The following XXYLT1 variants were observed in gnomAD, a reference collection of about 807,000 sequenced individuals.
XXYLT1 encodes xyloside xylosyltransferase 1, also known as UDP-xylose:alpha-xyloside alpha-1,3-xylosyltransferase.
In XXYLT1, 20 loss-of-function variants were observed where a neutral mutation model predicts 28.9. The observed-to-expected ratio is 0.69, with a 90% confidence interval of 0.49 to 1.00. The LOEUF (loss-of-function observed/expected upper bound fraction) is 1.00, where lower values mean the gene tolerates loss of function less well. XXYLT1 is among the 50% of genes least tolerant of loss of function. The probability of loss-of-function intolerance (pLI) is 0.00; values close to 1 mark genes in which losing one functional copy is unlikely to be tolerated. For missense variants in XXYLT1, 542 were observed against 560.1 expected (o/e 0.97, Z 0.33); for synonymous variants, 257 against 253.8 (o/e 1.01, Z -0.12).
chr3:195,228,420 G>A (rs1724149297), intron 1 of XXYLT1, among the ~76,000 whole-genome samples: 1 of 151,526 alleles, frequency 6.6e-6, no homozygotes, highest in South Asian at 2.1e-4. Flanking sequence ...GCCATCGGTG[G>A]TCGTGGCCCT....
chr3:195,238,667 A>T (rs1724654756), intron 1 of XXYLT1, among the ~76,000 whole-genome samples: 1 of 152,158 alleles, frequency 6.6e-6, no homozygotes, highest in Admixed American at 6.5e-5. Flanking sequence ...TGGAACACAC[A>T]TTGAGCCCGG....
intron 2 of XXYLT1, among the ~76,000 whole-genome samples, chr3:195,169,934 C>T (rs1018231214): frequency 9.3e-5 from 14 of 150,088 alleles, no homozygotes; most frequent in Admixed American, 6.6e-5. Flanking sequence ...GGCACGATCT[C>T]GGCTCACCGC....
At position 195,159,011 on chromosome 3, in the gene XXYLT1, G is replaced by A. The variant is rs115453962; in HGVS notation, c.653-2430C>T. Reference sequence around the variant, plus strand: ...GAGACTGATCCATGGAAGTAACATCGCAGAGAAGATGCTGGTTGGAGGATA... The same window carrying A: ...GAGACTGATCCATGGAAGTAACATCACAGAGAAGATGCTGGTTGGAGGATA... On this transcript the variant is annotated intron_variant, in intron 2 of 3. Coordinates refer to ENST00000310380, the MANE Select transcript of XXYLT1 (RefSeq NM_152531.5). Among the ~76,000 whole-genome samples the A allele has an allele frequency of 1.8e-3, 267 of 152,278 alleles. 1 individual carries two copies. The highest frequency in any genetic ancestry group is 5.0e-3 in the African/African-American group (206 of 41,556).
intron 1 of XXYLT1, among the ~76,000 whole-genome samples, chr3:195,252,699 C>CAT (rs1725304784): frequency 1.7e-5 from 2 of 116,526 alleles, no homozygotes; most frequent in Non-Finnish European, 3.4e-5. Context: ...AAACCACACA[C>CAT]ACACACACAC....
intron 1 of XXYLT1, among the ~76,000 whole-genome samples, chr3:195,245,594 C>G (rs569220207): frequency 6.6e-6 from 1 of 152,154 alleles, no homozygotes; most frequent in African/African-American, 2.4e-5. Context: ...GTTTGCCTCA[C>G]GTGGGAGTGG....
At chr3:195,203,367 C>G (rs1298918918) in intron 2 of XXYLT1, among the ~76,000 whole-genome samples, 23 of 152,126 alleles carry the variant, frequency 1.5e-4, no homozygotes, top group Admixed American at 1.4e-3. Context: ...ACTTAATATT[C>G]TATAATGATA....
chr3:195,080,100 C>A (rs998940062), intron 3 of XXYLT1, among the ~76,000 whole-genome samples: 4 of 152,108 alleles, frequency 2.6e-5, no homozygotes, highest in Non-Finnish European at 4.4e-5. Flanking sequence ...TTCAGAAAGG[C>A]AGGGGCGGGA....
chr3:195,127,072 G>A (rs1718674865), intron 3 of XXYLT1, among the ~76,000 whole-genome samples: 3 of 152,174 alleles, frequency 2.0e-5, no homozygotes, highest in Admixed American at 2.0e-4. Context: ...AAGTCTTCAG[G>A]GGTAGAGGTG....
chr3:195,174,090 T>A (rs1577108471), intron 2 of XXYLT1, among the ~76,000 whole-genome samples: 1 of 152,300 alleles, frequency 6.6e-6, no homozygotes, highest in African/African-American at 2.4e-5. Flanking sequence ...GGGCTGTAGA[T>A]CATTTCATTG....
intron 3 of XXYLT1, among the ~76,000 whole-genome samples, chr3:195,074,235 G>A (rs561946990): frequency 6.6e-6 from 1 of 152,194 alleles, no homozygotes; most frequent in South Asian, 2.1e-4. Flanking sequence ...GCTGACTCAG[G>A]CTAAGTTCAG....
At chr3:195,165,661 TCA>T (rs1721082871) in intron 2 of XXYLT1, among the ~76,000 whole-genome samples, 1 of 152,134 alleles carries the variant, frequency 6.6e-6, no homozygotes, top group Admixed American at 6.5e-5. Flanking sequence ...TAGCCAATGG[TCA>T]AATGGCTCTT....
chr3:195,161,023 T>C (rs1005155830), intron 2 of XXYLT1, among the ~76,000 whole-genome samples: 3 of 152,112 alleles, frequency 2.0e-5, no homozygotes, highest in Non-Finnish European at 4.4e-5. Context: ...TTGCCAAGGG[T>C]CCTGCGCCTT....
At chr3:195,186,803 A>G (rs1722215176) in intron 2 of XXYLT1, among the ~76,000 whole-genome samples, 1 of 151,912 alleles carries the variant, frequency 6.6e-6, no homozygotes, top group African/African-American at 2.4e-5. Flanking sequence ...TCTGGCTCAC[A>G]GGTGAAACTG....
intron 3 of XXYLT1, chr3:195,093,951 G>C (rs1346679602): frequency 2.0e-5 from 3 of 152,572 alleles, no homozygotes; most frequent in Non-Finnish European, 4.4e-5. Flanking sequence ...CCACGTCCGT[G>C]GAGGCGCCAT....
At chr3:195,098,660 G>A (rs1200781385) in intron 3 of XXYLT1, among the ~76,000 whole-genome samples, 1 of 152,268 alleles carries the variant, frequency 6.6e-6, no homozygotes, top group African/African-American at 2.4e-5. Flanking sequence ...CCTTGATGCT[G>A]TCAAGGTCTC....
chr3:195,131,001 C>A (rs376355238), intron 3 of XXYLT1, among the ~76,000 whole-genome samples: 10 of 152,310 alleles, frequency 6.6e-5, no homozygotes, highest in African/African-American at 2.4e-4. Context: ...ATTGCCAAGA[C>A]CTGCAAATTC....
At chr3:195,087,287 C>T (rs1038647503) in intron 3 of XXYLT1, 9 of 152,290 alleles carry the variant, frequency 5.9e-5, no homozygotes, top group African/African-American at 2.2e-4. Flanking sequence ...GACATTTTTC[C>T]CCTTTAAACT....
At chr3:195,112,568 TGCACACACACGCACGCAC>T (rs1717809583) in intron 3 of XXYLT1, among the ~76,000 whole-genome samples, 1 of 139,508 alleles carries the variant, frequency 7.2e-6, no homozygotes, top group South Asian at 2.3e-4. Context: ...GATGAAGCAG[TGCACACACACGCACGCAC>T]ACACACACAC....
Position 195,078,998 on chromosome 3 carries a change from C to G in XXYLT1, c.786-8887G>C, listed in dbSNP as rs531107260. ...GATGGGAACTGAGATCCCTCTCTGG[C>G]GGCAACGTCCTGACCCACCCTGCAC... On this transcript the variant is annotated intron_variant, in intron 3 of 3. Transcript: ENST00000310380. This position sits in a 1 kb window ranked among gnomAD's most constrained non-coding sequence, Gnocchi z 5.0. Among the ~76,000 whole-genome samples the G allele has an allele frequency of 1.3e-5, 2 of 152,192 alleles. No homozygotes were observed. The highest frequency in any genetic ancestry group is 2.4e-5 in the African/African-American group (1 of 41,442).
Sources: allele counts gnomAD v4.1 joint callset (sites outside exome capture counted in the v4.1 genomes callset), GRCh38; gene constraint gnomAD v4.1.1; non-coding constraint Gnocchi (gnomAD v3.1); transcripts MANE v1.5; gene names NCBI Gene and HGNC (gene_info 2026-07-23, HGNC 2026-07-21).